The following BANK1 variants were observed in gnomAD, a reference collection of about 807,000 sequenced individuals.
BANK1 encodes the protein B-cell scaffold protein with ankyrin repeats.
A neutral mutation model predicts 94.5 loss-of-function variants in BANK1; 95 were observed. The ratio of observed to expected loss-of-function variants is 1.00; its 90% CI spans 0.85 to 1.19. BANK1 has a LOEUF of 1.19. Among genes scored for constraint, BANK1 ranks in the 50% most tolerant of loss-of-function variants. The pLI is 0.00. For synonymous variants in BANK1, 334 were observed against 308.4 expected (o/e 1.08, Z -0.87); for missense variants, 987 against 932.2 (o/e 1.06, Z -0.77).
At chr4:101,906,038 G>A (rs574439739) in intron 6 of BANK1, among the ~76,000 whole-genome samples, 1 of 152,262 alleles carries the variant, frequency 6.6e-6, no homozygotes, top group African/African-American at 2.4e-5. Context: ...CAGCCCAGGT[G>A]CCAACCCCCA....
intron 1 of BANK1, among the ~76,000 whole-genome samples, chr4:101,817,947 C>T (rs1422475181): frequency 1.3e-5 from 2 of 152,016 alleles, no homozygotes; most frequent in East Asian, 3.9e-4. Flanking sequence ...TTGGATACCC[C>T]TGCTATACCA....
chr4:101,968,324 A>C (rs1457633952), intron 7 of BANK1, among the ~76,000 whole-genome samples: 1 of 152,118 alleles, frequency 6.6e-6, no homozygotes, highest in Non-Finnish European at 1.5e-5. Flanking sequence ...AGAAACTGTT[A>C]AACAGCCACA....
chr4:101,902,100 A>G (rs1722308745), intron 6 of BANK1, among the ~76,000 whole-genome samples: 2 of 152,164 alleles, frequency 1.3e-5, no homozygotes, highest in Non-Finnish European at 2.9e-5. Flanking sequence ...CTGGCTAAGT[A>G]TCCGTTTCTG....
intron 1 of BANK1, chr4:101,813,829 G>A (rs570950417): frequency 1.5e-5 from 15 of 984,896 alleles, no homozygotes; most frequent in Middle Eastern, 5.2e-4. Flanking sequence ...TTCCCTTCTG[G>A]CCAACAAGGG....
chr4:101,984,294 A>C (rs1725414772), intron 7 of BANK1, among the ~76,000 whole-genome samples: 1 of 152,050 alleles, frequency 6.6e-6, no homozygotes, highest in African/African-American at 2.4e-5. Context: ...TAAAAAGTAG[A>C]GGCCAAGATC....
intron 7 of BANK1, among the ~76,000 whole-genome samples, chr4:101,987,120 G>A (rs1441430680): frequency 2.6e-5 from 4 of 151,452 alleles, no homozygotes; most frequent in Non-Finnish European, 4.4e-5. Context: ...TATACATGCT[G>A]TTGTCTTTAG....
Position 101,855,101 on chromosome 4 carries a change from G to A in BANK1, c.536G>A (p.Ser179Asn). 1.9e-6 allele frequency: 3 copies of A among 1,613,590 alleles called. No individual in the cohort carries two copies. The highest frequency in any genetic ancestry group is 2.5e-6 in the Non-Finnish European group (3 of 1,179,562). ...CGAGCAAAACATTCTGGGGAAATAA[G>A]TGAGAGAAAGGAAATTGAAGAACTA... is the stretch of plus-strand genomic sequence containing the variant. The part of the protein sequence containing the change: ...DLRAKHSGEI[S>N]ERKEIEELSE... Residue 179 changes from serine (S) to asparagine (N), a missense_variant, in exon 3 of 17, where the codon AGT becomes AAT. Transcript: ENST00000322953.
chr4:101,829,898 G>T lies in BANK1; in HGVS notation c.161G>T (p.Arg54Met). The change falls in exon 2 of 17, where the codon AGG becomes ATG. Residue 54 changes from arginine (R) to methionine (M), a missense_variant. Physicochemically the swap from Arg to Met is moderately conservative, Grantham distance 91. Coordinates refer to ENST00000322953, the MANE Select transcript of BANK1 (RefSeq NM_017935.5). ...GAAGTATTTTTACATGTTGTGAAAAGGGAAGCCATCCTGTTATATCGCTTG... is the reference window on the plus strand; with the variant it reads ...GAAGTATTTTTACATGTTGTGAAAATGGAAGCCATCCTGTTATATCGCTTG... ...LTEVFLHVVK[R>M]EAILLYRLEN... is the part of the protein sequence containing the mutation. 3 of 1,613,718 alleles carry T rather than the reference G, an allele frequency of 1.9e-6. No homozygotes were observed. Among genetic ancestry groups the T allele is most frequent in the Non-Finnish European group, 2.5e-6 (3 of 1,179,808 alleles).
chr4:101,831,044 A>G (rs34029191), intron 2 of BANK1, among the ~76,000 whole-genome samples: 40,948 of 152,086 alleles, frequency 0.27, 5,676 homozygotes, highest in Non-Finnish European at 0.3. Flanking sequence ...TGTCTAATGC[A>G]TATAGATTCT....
At chr4:101,922,279 T>G (rs1376374124) in intron 7 of BANK1, among the ~76,000 whole-genome samples, 1 of 151,870 alleles carries the variant, frequency 6.6e-6, no homozygotes, top group African/African-American at 2.4e-5. Flanking sequence ...TTCCTGGCTC[T>G]TTATTTCTCT....
chr4:102,033,018 T>A (rs1727384809), intron 10 of BANK1, among the ~76,000 whole-genome samples: 1 of 152,194 alleles, frequency 6.6e-6, no homozygotes, highest in African/African-American at 2.4e-5. Context: ...CCCCAAAATA[T>A]TATTTATGTA....
At chr4:101,986,469 A>G (rs1725484713) in intron 7 of BANK1, among the ~76,000 whole-genome samples, 1 of 152,086 alleles carries the variant, frequency 6.6e-6, no homozygotes, top group Non-Finnish European at 1.5e-5. Flanking sequence ...TTCAAATTAC[A>G]TGGATCTTGC....
intron 12 of BANK1, chr4:102,062,000 A>T (rs1209288439): frequency 6.6e-6 from 1 of 152,232 alleles, no homozygotes; most frequent in East Asian, 1.9e-4. Context: ...CAAAATCCAA[A>T]CAACAAAAAG....
chr4:101,810,536 G>A (rs1725704471), intron 1 of BANK1, among the ~76,000 whole-genome samples: 1 of 152,174 alleles, frequency 6.6e-6, no homozygotes. Context: ...CCCTTAGGTA[G>A]TCATCTTTGG....
chr4:101,992,579 A>G (rs1304192435), intron 7 of BANK1, among the ~76,000 whole-genome samples: 1 of 152,154 alleles, frequency 6.6e-6, no homozygotes, highest in Non-Finnish European at 1.5e-5. Context: ...CATGTTAGAA[A>G]AGCACATAGA....
intron 1 of BANK1, among the ~76,000 whole-genome samples, chr4:101,792,556 A>G (rs1578319930): frequency 6.6e-6 from 1 of 150,946 alleles, no homozygotes; most frequent in Non-Finnish European, 1.5e-5. Flanking sequence ...CAACTGCCTC[A>G]TTTAGAGAAG....
intron 11 of BANK1, among the ~76,000 whole-genome samples, chr4:102,057,660 G>A (rs1284086718): frequency 1.3e-5 from 2 of 152,092 alleles, no homozygotes; most frequent in Non-Finnish European, 2.9e-5. Flanking sequence ...TTACTGAAAA[G>A]TTCTTTCCAA....
intron 2 of BANK1, among the ~76,000 whole-genome samples, chr4:101,832,646 A>T (rs1726664898): frequency 6.6e-6 from 1 of 152,156 alleles, no homozygotes; most frequent in African/African-American, 2.4e-5. Flanking sequence ...CTTATAACTT[A>T]AAATTCATCT....
chr4:101,804,909 T>A (rs927110770), intron 1 of BANK1, among the ~76,000 whole-genome samples: 2 of 152,168 alleles, frequency 1.3e-5, no homozygotes, highest in Non-Finnish European at 1.5e-5. Context: ...CCCTGCATCG[T>A]TCAAGCATCA....
Sources: gnomAD v4.1 joint callset for allele counts (sites outside exome capture counted in the v4.1 genomes callset) on GRCh38, gnomAD v4.1.1 for gene constraint, MANE v1.5 for transcripts, NCBI Gene and HGNC (gene_info 2026-07-23, HGNC 2026-07-21) for gene names.